Variants in PARP4 observed in about 807,000 individuals in gnomAD.
The protein encoded by PARP4 is poly(ADP-ribose) polymerase family member 4, also known as protein mono-ADP-ribosyltransferase PARP4.
In PARP4, 120 loss-of-function variants were observed where a neutral mutation model predicts 187.7. That is an observed-to-expected ratio of 0.64 (90% CI 0.55 to 0.74). The LOEUF (loss-of-function observed/expected upper bound fraction) is 0.74, where lower values mean the gene tolerates loss of function less well. Among genes scored for constraint, PARP4 ranks in the 30% least tolerant of loss-of-function variants. The pLI is 0.00. For missense variants in PARP4, 1,836 were observed against 2,070.5 expected (o/e 0.89, Z 2.20); for synonymous variants, 654 against 740.9 (o/e 0.88, Z 1.90).
At chr13:24,493,445 G>T in intron 8 of PARP4, 151 bp downstream of exon 8, 2 of 673,026 alleles carry the variant, frequency 3.0e-6, no homozygotes, top group Non-Finnish European at 4.8e-6. Context: ...GCTGTTAGTG[G>T]TCTCTTTCTT....
chr13:24,491,322 A>G (rs1474547546), intron 9 of PARP4, among the ~76,000 whole-genome samples: 2 of 152,100 alleles, frequency 1.3e-5, no homozygotes, highest in Non-Finnish European at 2.9e-5. Flanking sequence ...GGGTTTCACC[A>G]TGTTGGCCAG....
At chr13:24,459,943 A>G (rs1872117939) in intron 18 of PARP4, 29 bp downstream of exon 18, 1 of 1,596,396 alleles carries the variant, frequency 6.3e-7, no homozygotes, top group African/African-American at 1.3e-5. Flanking sequence ...TGCTGCCAAA[A>G]TGCTTCTTCA....
rs1348865132 is a variant in PARP4 at position 24,493,637 on chromosome 13, GT to G, written c.837del (p.Glu279AspfsTer8). On this transcript the variant is annotated frameshift_variant, in exon 8 of 34. Coordinates refer to ENST00000381989, the MANE Select transcript of PARP4 (RefSeq NM_006437.4). LOFTEE classifies it high-confidence loss of function. The part of the protein sequence containing the change: ...MIWAEALGHL[E>X]HMLLKPVNRI... The stretch of plus-strand genomic sequence containing the variant: ...CTGTTCACTGGCTTGAGAAGCATGT[GT>G]TCCAGGTGGCCCAGGGCCTCTGCCC... 6.2e-7 allele frequency: 1 copy of G among 1,614,030 alleles called. No homozygotes were observed. Among genetic ancestry groups the G allele is most frequent in the Non-Finnish European group, 8.5e-7 (1 of 1,179,988 alleles).
intron 32 of PARP4, among the ~76,000 whole-genome samples, chr13:24,428,106 G>A (rs529672675): frequency 2.6e-5 from 4 of 152,286 alleles, no homozygotes; most frequent in South Asian, 2.1e-4. Flanking sequence ...GAGACTCTAC[G>A]TCGAAGAAGG....
At position 24,443,288 on chromosome 13, in the gene PARP4, C is replaced by T. The variant is rs368076982; in HGVS notation, c.3447+362G>A. Among the ~76,000 whole-genome samples the T allele has an allele frequency of 9.5e-4, 145 of 151,900 alleles. 1 individual carries two copies. Among genetic ancestry groups the T allele is most frequent in the African/African-American group, 2.4e-3 (100 of 41,334 alleles). On this transcript the variant is annotated intron_variant, in intron 28 of 33. Transcript: ENST00000381989. ...GGCTTTGGCAGGTCACTCAGCATTT[C>T]GCTCTCAGGCCTCTCATCAGTAAGA... is the stretch of plus-strand genomic sequence containing the variant.
chr13:24,488,102 C>G (rs1868422184), intron 10 of PARP4, among the ~76,000 whole-genome samples: 1 of 152,110 alleles, frequency 6.6e-6, no homozygotes, highest in African/African-American at 2.4e-5. Flanking sequence ...TGTGTGACTG[C>G]TTTTGTACTT....
intron 1 of PARP4, 66 bp from the exon 2 acceptor site, chr13:24,503,843 A>G: frequency 7.1e-7 from 1 of 1,409,482 alleles, no homozygotes; most frequent in South Asian, 1.2e-5. Context: ...TAGAATTATT[A>G]TACAAGCAAA....
intron 27 of PARP4, among the ~76,000 whole-genome samples, chr13:24,445,554 G>C (rs2137459183): frequency 6.6e-6 from 1 of 152,336 alleles, no homozygotes; most frequent in South Asian, 2.1e-4. Flanking sequence ...GTGCCAGGAG[G>C]ATGGTGCACC....
At chr13:24,460,976 A>AT (rs1189289100) in intron 17 of PARP4, among the ~76,000 whole-genome samples, 2 of 152,180 alleles carry the variant, frequency 1.3e-5, no homozygotes, top group Non-Finnish European at 2.9e-5. Context: ...CTATCATGTT[A>AT]TTTTTTTACT....
intron 17 of PARP4, among the ~76,000 whole-genome samples, chr13:24,468,399 CCTT>C (rs1273441769): frequency 1.5e-5 from 2 of 136,662 alleles, no homozygotes; most frequent in African/African-American, 2.7e-5. Flanking sequence ...ATATCACACT[CCTT>C]TTTTTTTTTT....
intron 12 of PARP4, among the ~76,000 whole-genome samples, chr13:24,482,556 G>A (rs1873332765): frequency 6.6e-6 from 1 of 152,294 alleles, no homozygotes; most frequent in East Asian, 1.9e-4. Flanking sequence ...ACATTGACAC[G>A]AGACCTTCCA....
chr13:24,453,144 C>T (rs1032870009), intron 23 of PARP4, among the ~76,000 whole-genome samples: 1 of 152,102 alleles, frequency 6.6e-6, no homozygotes, highest in Non-Finnish European at 1.5e-5. Flanking sequence ...CCATGTTGGC[C>T]AGGTTGGTCT....
In PARP4 at chr13:24,452,715, C is replaced by T. The variant is rs917796209; in HGVS notation, c.2827-122G>A. 16 of 716,728 alleles carry T rather than the reference C, an allele frequency of 2.2e-5. No individual in the cohort carries two copies. The African/African-American group carries it at 2.7e-4, about 12-fold the overall frequency. 44.4% of individuals were successfully genotyped at this position (716,728 alleles called of 1,614,324 possible). A position where few individuals can be genotyped will look rare whatever the true frequency, so the allele number is the denominator to read the frequency against. The stretch of plus-strand genomic sequence containing the variant: ...GTGACACCGAAAATATTTTCTTTCC[C>T]TAATTTGTGAAACAACTAAACTTAT... On this transcript the variant is annotated intron_variant, in intron 23 of 33. Coordinates refer to ENST00000381989, the MANE Select transcript of PARP4 (RefSeq NM_006437.4).
intron 2 of PARP4, 32 bp from the exon 3 acceptor site, chr13:24,501,866 T>C (rs371782466): frequency 1.2e-5 from 15 of 1,230,210 alleles, no homozygotes; most frequent in African/African-American, 3.0e-5. Flanking sequence ...CCATTATGCA[T>C]CAAGAAAAAC....
intron 15 of PARP4, among the ~76,000 whole-genome samples, chr13:24,473,221 G>A (rs1226949548): frequency 2.0e-5 from 3 of 151,978 alleles, no homozygotes; most frequent in African/African-American, 7.3e-5. Flanking sequence ...CCACCGCACC[G>A]GCCACCACCC....
intron 30 of PARP4, 95 bp downstream of exon 30, chr13:24,441,748 TGTA>T: frequency 9.3e-7 from 1 of 1,074,476 alleles, no homozygotes; most frequent in South Asian, 1.6e-5. Context: ...AACTTCTTCA[TGTA>T]CAGGTAAGAA....
intron 17 of PARP4, 107 bp from the exon 18 acceptor site, chr13:24,460,243 C>G (rs1185758290): frequency 1.1e-6 from 1 of 933,552 alleles, no homozygotes; most frequent in African/African-American, 1.7e-5. Flanking sequence ...CTGCCAAATT[C>G]TTCCTCAGAA....
rs1565988421 is a variant in PARP4, at chr13:24,434,879, G to A, written c.4262C>T (p.Thr1421Ile). ...GAAGGTGCCAGCAGAAGGCCTGGTA[G>A]TAAAGCCTCCAGGATGTTGCAGTGG... ...SAPLQHPGGF[T>I]TRPSAGTFPE... The change falls in exon 31 of 34, where the codon ACT (threonine) becomes ATT (isoleucine). Residue 1421 changes from threonine to isoleucine, a missense_variant. Around this residue, in one of 8 missense-constraint regions of PARP4, gnomAD observed 450 missense variants for 439.2 expected, o/e 1.02. Transcript: ENST00000381989. 6.2e-7 allele frequency: 1 copy of A among 1,614,182 alleles called. No individual in the cohort carries two copies. The highest frequency in any genetic ancestry group is 8.5e-7 in the Non-Finnish European group (1 of 1,180,014).
intron 6 of PARP4, among the ~76,000 whole-genome samples, chr13:24,495,666 T>C (rs564801688): frequency 9.9e-5 from 15 of 152,212 alleles, no homozygotes; most frequent in African/African-American, 3.1e-4. Context: ...CTTGTAGGTG[T>C]TGGTTGAGCC....
Sources: gnomAD v4.1 joint callset for allele counts (sites outside exome capture counted in the v4.1 genomes callset) on GRCh38, gnomAD v4.1.1 for gene constraint, gnomAD v4.1.1 regional missense constraint, MANE v1.5 for transcripts, NCBI Gene and HGNC (gene_info 2026-07-23, HGNC 2026-07-21) for gene names.